INPP4B: variants seen among roughly 807,000 people sequenced by gnomAD.
The protein encoded by INPP4B is inositol polyphosphate-4-phosphatase type II B, also known as inositol polyphosphate 4-phosphatase type II.
In INPP4B, 55 loss-of-function variants were observed where a neutral mutation model predicts 122.5. The ratio of observed to expected loss-of-function variants is 0.45; its 90% confidence interval spans 0.36 to 0.56. The LOEUF (loss-of-function observed/expected upper bound fraction) is 0.56, where lower values mean the gene tolerates loss of function less well. Among genes scored for constraint, INPP4B ranks in the 20% least tolerant of loss-of-function variants. INPP4B has a pLI of 0.00. For missense variants in INPP4B, 1,000 were observed against 1,097.7 expected, an observed-to-expected ratio of 0.91 and a Z score of 1.26; for synonymous variants, 403 against 388.7, an observed-to-expected ratio of 1.04 and a Z score of -0.43.
At chr4:142,411,283 G>A (rs1001273896) in intron 5 of INPP4B, among the ~76,000 whole-genome samples, 2 of 152,226 alleles carry the variant, frequency 1.3e-5, no homozygotes, top group African/African-American at 4.8e-5. Context: ...CCACAGGGGA[G>A]CACTTGCTTA....
chr4:142,728,542 T>A (rs1276186957), intron 1 of INPP4B, among the ~76,000 whole-genome samples: 1 of 152,188 alleles, frequency 6.6e-6, no homozygotes, highest in Admixed American at 6.5e-5. Flanking sequence ...TAAACTAGTA[T>A]GACTGGCAAC....
chr4:142,392,745 G>A (rs958660315), intron 7 of INPP4B, among the ~76,000 whole-genome samples: 2 of 152,308 alleles, frequency 1.3e-5, no homozygotes, highest in South Asian at 2.1e-4. Flanking sequence ...TCAAAGTTAT[G>A]CTAAATAATA....
intron 1 of INPP4B, among the ~76,000 whole-genome samples, chr4:142,837,664 T>TA (rs34030296): frequency 2.8e-4 from 43 of 152,074 alleles, no homozygotes; most frequent in African/African-American, 7.7e-4. Flanking sequence ...TAACAAACTT[T>TA]AAAAAAAATC....
intron 2 of INPP4B, among the ~76,000 whole-genome samples, chr4:142,599,990 AAAAG>A (rs1739549218): frequency 6.6e-6 from 1 of 152,110 alleles, no homozygotes; most frequent in Non-Finnish European, 1.5e-5. Context: ...AAAAAGAATA[AAAAG>A]AATGAACAAA....
intron 2 of INPP4B, among the ~76,000 whole-genome samples, chr4:142,594,385 A>G (rs1738214416): frequency 6.6e-6 from 1 of 152,246 alleles, no homozygotes; most frequent in Non-Finnish European, 1.5e-5. Flanking sequence ...CAGCAATAAA[A>G]TAATAGCTAA....
At chr4:142,235,505 T>C (rs1856321962) in intron 12 of INPP4B, among the ~76,000 whole-genome samples, 2 of 152,184 alleles carry the variant, frequency 1.3e-5, no homozygotes. Context: ...CACTGCAAGC[T>C]CCGCCTCCCA....
intron 23 of INPP4B, among the ~76,000 whole-genome samples, chr4:142,098,568 A>C (rs541274451): frequency 1.3e-5 from 2 of 152,226 alleles, no homozygotes; most frequent in Admixed American, 1.3e-4. Context: ...GTAGCAATGC[A>C]GGTGGTGAGA....
intron 2 of INPP4B, among the ~76,000 whole-genome samples, chr4:142,686,850 A>T (rs1485319906): frequency 6.6e-6 from 1 of 152,062 alleles, no homozygotes; most frequent in Non-Finnish European, 1.5e-5. Flanking sequence ...CACTCTAGAG[A>T]TTAGAAAGCA....
At chr4:142,072,392 G>A (rs191373552) in intron 25 of INPP4B, among the ~76,000 whole-genome samples, 5 of 151,746 alleles carry the variant, frequency 3.3e-5, no homozygotes, top group East Asian at 1.9e-4. Flanking sequence ...TGTAAATGAC[G>A]GGTGCAGCAT....
intron 2 of INPP4B, among the ~76,000 whole-genome samples, chr4:142,659,589 G>A (rs913823718): frequency 9.9e-5 from 15 of 152,108 alleles, no homozygotes; most frequent in African/African-American, 3.4e-4. Flanking sequence ...TGAGGGATGG[G>A]TGATGTAGAA....
intron 1 of INPP4B, among the ~76,000 whole-genome samples, chr4:142,768,932 G>A (rs1282090192): frequency 2.0e-5 from 3 of 152,144 alleles, no homozygotes; most frequent in Admixed American, 2.0e-4. Flanking sequence ...AAGTATGGAG[G>A]ATCGATTTGT....
At chr4:142,414,532 T>G (rs779720037) in intron 5 of INPP4B, among the ~76,000 whole-genome samples, 4 of 152,162 alleles carry the variant, frequency 2.6e-5, no homozygotes, top group Non-Finnish European at 5.9e-5. Flanking sequence ...GACAGCTTAT[T>G]TGCATATGAA....
At chr4:142,679,475 T>G (rs2150674998) in intron 2 of INPP4B, among the ~76,000 whole-genome samples, 1 of 151,846 alleles carries the variant, frequency 6.6e-6, no homozygotes, top group East Asian at 1.9e-4. Flanking sequence ...GGCACTAGAG[T>G]TTTTTAAAAT....
chr4:142,841,647 ACT>A (rs1320792077), intron 1 of INPP4B, among the ~76,000 whole-genome samples: 3 of 151,792 alleles, frequency 2.0e-5, no homozygotes, highest in Non-Finnish European at 3.0e-5. Context: ...AAAAACTCAC[ACT>A]CTCTTTTGAG....
chr4:142,687,578 A>C (rs931752595), intron 2 of INPP4B, among the ~76,000 whole-genome samples: 39 of 151,844 alleles, frequency 2.6e-4, no homozygotes, highest in Non-Finnish European at 5.0e-4. Flanking sequence ...AAAAAAAAAA[A>C]AAAATCCTTG....
chr4:142,514,278 G>A (rs1240881264), intron 2 of INPP4B: 2 of 152,092 alleles, frequency 1.3e-5, no homozygotes, highest in African/African-American at 2.4e-5. Context: ...GGTCCATCTC[G>A]ACTTTAATTT....
chr4:142,642,015 C>T (rs891461796), intron 2 of INPP4B, among the ~76,000 whole-genome samples: 1 of 152,170 alleles, frequency 6.6e-6, no homozygotes, highest in African/African-American at 2.4e-5. Context: ...CTCTGATGAC[C>T]AGTGATGATG....
At chr4:142,264,602 T>G (rs963246015) in intron 10 of INPP4B, among the ~76,000 whole-genome samples, 1 of 152,216 alleles carries the variant, frequency 6.6e-6, no homozygotes, top group Non-Finnish European at 1.5e-5. Flanking sequence ...AATAAATATG[T>G]GTTCATAATA....
intron 2 of INPP4B, among the ~76,000 whole-genome samples, chr4:142,674,910 G>T (rs551214239): frequency 3.9e-4 from 60 of 152,262 alleles, no homozygotes; most frequent in African/African-American, 1.4e-3. Context: ...AAGCAGGAAA[G>T]ATCTAAAATC....
Sources: gnomAD v4.1 joint callset for allele counts (sites outside exome capture counted in the v4.1 genomes callset) on GRCh38, gnomAD v4.1.1 for gene constraint, MANE v1.5 for transcripts, NCBI Gene and HGNC (gene_info 2026-07-23, HGNC 2026-07-21) for gene names.